PPARGC1A: variants seen among roughly 807,000 people sequenced by gnomAD.
PPARGC1A encodes the protein PPARG coactivator 1 alpha.
A neutral mutation model predicts 88.7 loss-of-function variants in PPARGC1A; 25 were observed. The observed-to-expected ratio is 0.28, with a 90% CI of 0.21 to 0.39. The LOEUF (loss-of-function observed/expected upper bound fraction) is 0.39, where lower values mean the gene tolerates loss of function less well. Ranked by LOEUF, PPARGC1A falls within the 10% of genes least tolerant of loss-of-function variation. PPARGC1A has a pLI of 1.00. For synonymous variants in PPARGC1A, 363 were observed against 355.6 expected (o/e 1.02, Z -0.24); for missense variants, 880 against 968.7 (o/e 0.91, Z 1.22).
chr4:24,026,213 T>G, the PPARGC1A span, among the ~76,000 whole-genome samples: 1 of 152,206 alleles, frequency 6.6e-6, no homozygotes, highest in Admixed American at 6.5e-5. Context: ...TGGTGTCCAG[T>G]TGGCCCCACT....
the PPARGC1A span, among the ~76,000 whole-genome samples, chr4:24,181,839 C>A: frequency 6.6e-6 from 1 of 152,078 alleles, no homozygotes; most frequent in South Asian, 2.1e-4. Flanking sequence ...AGCTAATAAG[C>A]GGTACCTGGC....
the PPARGC1A span, among the ~76,000 whole-genome samples, chr4:24,290,637 C>G: frequency 6.6e-6 from 1 of 152,174 alleles, no homozygotes; most frequent in South Asian, 2.1e-4. Flanking sequence ...TGAATGTAAG[C>G]TCCAGGAGGG....
the PPARGC1A span, among the ~76,000 whole-genome samples, chr4:24,410,923 T>C: frequency 6.6e-6 from 1 of 152,194 alleles, no homozygotes; most frequent in African/African-American, 2.4e-5. Flanking sequence ...ACTGGCTTCC[T>C]TGCTCCTCAC....
At chr4:24,111,349 G>A in the PPARGC1A span, among the ~76,000 whole-genome samples, 2 of 151,858 alleles carry the variant, frequency 1.3e-5, no homozygotes, top group Non-Finnish European at 2.9e-5. Context: ...TCTAATCTTC[G>A]GTAGGTCATA....
At chr4:24,202,604 G>C in the PPARGC1A span, among the ~76,000 whole-genome samples, 1 of 152,154 alleles carries the variant, frequency 6.6e-6, no homozygotes, top group Non-Finnish European at 1.5e-5. Flanking sequence ...AAAGCATTGT[G>C]GCAAAAGGTT....
the PPARGC1A span, among the ~76,000 whole-genome samples, chr4:24,435,746 A>T: frequency 2.2e-3 from 333 of 152,292 alleles, no homozygotes; most frequent in Non-Finnish European, 2.5e-3. Flanking sequence ...GTGATTTTTT[A>T]AAATTTCCAT....
chr4:24,356,596 AAT>A, the PPARGC1A span, among the ~76,000 whole-genome samples: 1 of 152,184 alleles, frequency 6.6e-6, no homozygotes, highest in Non-Finnish European at 1.5e-5. Flanking sequence ...AAGCAAATTA[AAT>A]GGACACAAAC....
chr4:24,364,459 C>T, the PPARGC1A span, among the ~76,000 whole-genome samples: 1 of 152,122 alleles, frequency 6.6e-6, no homozygotes, highest in Non-Finnish European at 1.5e-5. Context: ...CCTGGGCCCA[C>T]CTCCAATCTT....
chr4:24,095,015 T>C, the PPARGC1A span, among the ~76,000 whole-genome samples: 107 of 152,290 alleles, frequency 7.0e-4, no homozygotes, highest in East Asian at 0.019. Context: ...GGGAGATTCT[T>C]TTTTTAAAGT....
the PPARGC1A span, among the ~76,000 whole-genome samples, chr4:24,265,375 A>G: frequency 2.0e-5 from 3 of 152,198 alleles, no homozygotes; most frequent in Non-Finnish European, 4.4e-5. Flanking sequence ...ACATCTGAAC[A>G]CTTCTCATTC....
In PPARGC1A at chr4:23,805,456, T is replaced by A. The variant is rs868075422; in HGVS notation, c.2020-3111A>T. Among the ~76,000 whole-genome samples the A allele has an allele frequency of 2.6e-5, 4 of 152,076 alleles. No individual in the cohort carries two copies. The South Asian group carries it at 8.3e-4, about 32-fold the overall frequency. On this transcript the variant is annotated intron_variant, in intron 10 of 12. Coordinates refer to ENST00000264867, the MANE Select transcript of PPARGC1A (RefSeq NM_013261.5). ...AAATAAATGACCAGATGAAGCAGAG[T>A]AACCAGTGCAGGCTGCCTGACGCCC... is the stretch of plus-strand genomic sequence containing the variant.
At chr4:24,372,865 C>T in the PPARGC1A span, among the ~76,000 whole-genome samples, 2 of 152,196 alleles carry the variant, frequency 1.3e-5, no homozygotes, top group Non-Finnish European at 2.9e-5. Context: ...CTACTTCCTT[C>T]CTACAACTTG....
chr4:23,838,803 C>G (rs1418987600), intron 2 of PPARGC1A, among the ~76,000 whole-genome samples: 3 of 152,034 alleles, frequency 2.0e-5, no homozygotes, highest in African/African-American at 7.3e-5. Flanking sequence ...CATATCACAC[C>G]CACAAGTTTA....
At chr4:23,802,150 T>A in intron 11 of PPARGC1A, 74 bp downstream of exon 11, 3 of 1,595,906 alleles carry the variant, frequency 1.9e-6, no homozygotes, top group Non-Finnish European at 2.6e-6. Context: ...GCAACTCCCA[T>A]CCCAGTAATC....
rs1425986151 is a variant in PPARGC1A at position 23,814,468 on chromosome 4, T to C, written c.1015A>G (p.Thr339Ala). ...TTCTTGGTGGAGTTATTGCCTTGTG[T>C]ACCAGAAGACTCACTGTACCTGGGC... Reference protein sequence around the residue: ...KKPRYSESSGTQGNNSTKKGP... With the variant: ...KKPRYSESSGAQGNNSTKKGP... Residue 339 changes from threonine to alanine, a missense_variant, in exon 8 of 13, where the codon ACA becomes GCA. Transcript: ENST00000264867. The C allele has an allele frequency of 1.9e-6, 3 of 1,613,718 alleles. No homozygotes were observed. In the African/African-American group the frequency reaches 4.0e-5, roughly 22 times the overall value.
the PPARGC1A span, among the ~76,000 whole-genome samples, chr4:24,399,738 T>C: frequency 6.6e-6 from 1 of 152,146 alleles, no homozygotes; most frequent in Non-Finnish European, 1.5e-5. Flanking sequence ...TATTTTGATG[T>C]TCATCATATC....
the PPARGC1A span, among the ~76,000 whole-genome samples, chr4:24,147,280 G>A: frequency 6.6e-6 from 1 of 152,196 alleles, no homozygotes; most frequent in Non-Finnish European, 1.5e-5. Context: ...GAACCGGAAG[G>A]TCGGGTTGAT....
the PPARGC1A span, among the ~76,000 whole-genome samples, chr4:24,439,745 T>C: frequency 3.9e-5 from 6 of 152,194 alleles, no homozygotes; most frequent in Non-Finnish European, 5.9e-5. Flanking sequence ...ACTCTGATCT[T>C]TGCACATCAA....
chr4:24,447,335 G>C, the PPARGC1A span, among the ~76,000 whole-genome samples: 1 of 152,164 alleles, frequency 6.6e-6, no homozygotes, highest in African/African-American at 2.4e-5. Flanking sequence ...TGGAAAAATG[G>C]AACTAAGTCA....
Sources: gnomAD v4.1 joint callset for allele counts (sites outside exome capture counted in the v4.1 genomes callset) on GRCh38, gnomAD v4.1.1 for gene constraint, MANE v1.5 for transcripts, NCBI Gene and HGNC (gene_info 2026-07-23, HGNC 2026-07-21) for gene names.